The following CNST variants were observed in gnomAD, a reference collection of about 807,000 sequenced individuals.
CNST encodes consortin, connexin sorting protein.
A neutral mutation model predicts 72.4 loss-of-function variants in CNST; 39 were observed. The ratio of observed to expected loss-of-function variants is 0.54; its 90% CI spans 0.42 to 0.70. The LOEUF (loss-of-function observed/expected upper bound fraction) is 0.70, where lower values mean the gene tolerates loss of function less well. CNST is among the 30% of genes least tolerant of loss of function. The pLI, the probability that CNST is intolerant of heterozygous loss-of-function variation, is 0.00. For missense variants in CNST, 871 were observed against 868.5 expected (o/e 1.00, Z -0.04); for synonymous variants, 332 against 320.1 (o/e 1.04, Z -0.40).
At chr1:246,632,309 G>A (rs1313277458) in intron 4 of CNST, 7 of 296,284 alleles carry the variant, frequency 2.4e-5, no homozygotes, top group Admixed American at 1.8e-4. Context: ...GGCAACGTGC[G>A]CCACAGACTT....
Position 246,647,279 on chromosome 1 carries a change from A to G in CNST, c.1078A>G (p.Met360Val), listed in dbSNP as rs563130874. The G allele has an allele frequency of 8.7e-6, 14 of 1,614,146 alleles. No individual in the cohort carries two copies. Among genetic ancestry groups the G allele is most frequent in the South Asian group, 3.3e-5 (3 of 91,074 alleles). ...TTCGGTAACTGCAGGAAAGGACCAC[A>G]TGGAGGAGCTGCTCTGCAGCGCTGA... ...SLSVTAGKDH[M>V]EELLCSAEAT... is the part of the protein sequence containing the mutation. The change falls in exon 9 of 11, where the codon ATG becomes GTG. Residue 360 changes from methionine (M) to valine (V), a missense_variant. By Grantham distance (21) the Met-to-Val change is conservative. Transcript: ENST00000366513.
chr1:246,623,529 A>G (rs1664221916), intron 3 of CNST, among the ~76,000 whole-genome samples: 1 of 152,094 alleles, frequency 6.6e-6, no homozygotes. Flanking sequence ...AGGTGGGTGG[A>G]TCATGTGAGG....
At chr1:246,592,664 G>C (rs770520930) in intron 2 of CNST, among the ~76,000 whole-genome samples, 2 of 152,162 alleles carry the variant, frequency 1.3e-5, no homozygotes, top group Admixed American at 1.3e-4. Context: ...TAACCTGTGA[G>C]TTTAGATGCT....
intron 6 of CNST, among the ~76,000 whole-genome samples, chr1:246,641,432 A>T (rs1436377946): frequency 6.6e-6 from 1 of 152,360 alleles, no homozygotes. Flanking sequence ...TGAAATTTTT[A>T]AAATATGTGT....
At chr1:246,630,217 A>G (rs547710647) in intron 3 of CNST, among the ~76,000 whole-genome samples, 1 of 152,332 alleles carries the variant, frequency 6.6e-6, no homozygotes, top group South Asian at 2.1e-4. Flanking sequence ...GCTCTCCCCA[A>G]CACTCTGGAG....
chr1:246,605,486 T>G (rs868502098), intron 2 of CNST, among the ~76,000 whole-genome samples: 2 of 152,276 alleles, frequency 1.3e-5, no homozygotes, highest in Middle Eastern at 6.8e-3. Flanking sequence ...ATCACGCTGT[T>G]TTAATGCGCG....
intron 6 of CNST, among the ~76,000 whole-genome samples, chr1:246,634,911 GGCTAC>G (rs1360449206): frequency 6.6e-6 from 1 of 151,922 alleles, no homozygotes; most frequent in African/African-American, 2.4e-5. Context: ...CTGATGTAAC[GGCTAC>G]GTGGTACCTG....
intron 7 of CNST, 85 bp downstream of exon 7, chr1:246,641,855 G>A (rs1247537389): frequency 9.1e-6 from 12 of 1,311,874 alleles, no homozygotes; most frequent in South Asian, 1.2e-5. Context: ...GGAAAATGAG[G>A]AAACCTTTCC....
At chr1:246,582,134 A>G (rs531466000) in intron 1 of CNST, among the ~76,000 whole-genome samples, 1 of 152,322 alleles carries the variant, frequency 6.6e-6, no homozygotes, top group East Asian at 1.9e-4. Flanking sequence ...GCTAAGAGTT[A>G]TCAGATTTAC....
At chr1:246,594,074 G>A (rs754690899) in intron 2 of CNST, among the ~76,000 whole-genome samples, 67 of 152,182 alleles carry the variant, frequency 4.4e-4, no homozygotes, top group Non-Finnish European at 3.7e-4. Flanking sequence ...TTTAAGAACT[G>A]ATACTTAGTT....
intron 9 of CNST, chr1:246,648,375 G>A: frequency 3.5e-6 from 1 of 284,888 alleles, no homozygotes. Context: ...TAATAAGGAA[G>A]TCTCATTTTT....
intron 3 of CNST, among the ~76,000 whole-genome samples, chr1:246,631,645 G>A (rs6701256): frequency 0.48 from 72,233 of 152,008 alleles, 18,897 homozygotes; most frequent in African/African-American, 0.68. Context: ...TTTGACTTGA[G>A]GTAGAGTAGG....
At position 246,643,497 on chromosome 1, in the gene CNST, C is replaced by T. The variant is rs190578451; in HGVS notation, c.937+1460C>T. ...TGAGACTTACTTAGCATGGTTGCTG[C>T]GCAGCACCTCCTCCTGCTTGGCCTC... On this transcript the variant is annotated intron_variant, in intron 8 of 10. Coordinates refer to ENST00000366513, the MANE Select transcript of CNST (RefSeq NM_152609.3). Among the ~76,000 whole-genome samples, 423 of 152,290 alleles carry T rather than the reference C, an allele frequency of 2.8e-3. 2 individuals are homozygous for T. Among genetic ancestry groups the T allele is most frequent in the African/African-American group, 8.5e-3 (352 of 41,544 alleles).
chr1:246,649,346 A>T (rs1232434158), intron 9 of CNST, among the ~76,000 whole-genome samples: 1 of 152,142 alleles, frequency 6.6e-6, no homozygotes. Flanking sequence ...GTTTCATGTG[A>T]TATATATTTT....
Position 246,642,132 on chromosome 1 carries a change from G to GTTTTTTTTTTTTTTT in CNST, c.937+95_937+96insTTTTTTTTTTTTTTT, listed in dbSNP as rs1491252940. 1.8e-3 allele frequency: 348 copies of GTTTTTTTTTTTTTTT among 198,328 alleles called. 77 individuals are homozygous for GTTTTTTTTTTTTTTT. The highest frequency in any genetic ancestry group is 0.017 in the African/African-American group (320 of 18,804). The allele number at this position is 198,328 out of a possible 1,614,324, so 12.3% of individuals were successfully genotyped here. ...ACATCTGAATTGCTGCAAAGGATCT[G>GTTTTTTTTTTTTTTT]GTTTTTTTTTTTTTTTTTTTTTGCA... On this transcript the variant is annotated intron_variant, in intron 8 of 10. Transcript: ENST00000366513.
At position 246,584,386 on chromosome 1, in the gene CNST, A is replaced by C. The variant is rs1424733262; in HGVS notation, c.-51-7126A>C. Among the ~76,000 whole-genome samples the C allele has an allele frequency of 3.3e-5, 5 of 152,342 alleles. No individual in the cohort carries two copies. In the South Asian group the frequency reaches 8.3e-4, roughly 25 times the overall value. On this transcript the variant is annotated intron_variant, in intron 1 of 10. Coordinates refer to ENST00000366513, the MANE Select transcript of CNST (RefSeq NM_152609.3). The stretch of plus-strand genomic sequence containing the variant: ...CAGGGGCAAGAGTTTCAAAAAATGC[A>C]TTCAGATGTCCACATAAAGTGGGAA...
At chr1:246,626,863 G>A (rs147229160) in intron 3 of CNST, among the ~76,000 whole-genome samples, 277 of 152,188 alleles carry the variant, frequency 1.8e-3, no homozygotes, top group East Asian at 7.7e-4. Context: ...ATTTTCTCCC[G>A]TATCTGCTGC....
At chr1:246,642,610 GCTTT>G (rs962172479) in intron 8 of CNST, among the ~76,000 whole-genome samples, 36 of 151,322 alleles carry the variant, frequency 2.4e-4, no homozygotes, top group Non-Finnish European at 2.9e-5. Context: ...ATTTTAAGAG[GCTTT>G]CTTCTAAATG....
rs571905145 is a variant in CNST, at chr1:246,644,705, G to A, written c.938-2434G>A. On this transcript the variant is annotated intron_variant, in intron 8 of 10. Coordinates refer to ENST00000366513, the MANE Select transcript of CNST (RefSeq NM_152609.3). The stretch of plus-strand genomic sequence containing the variant: ...AAGCAACACACCCCAGTCCTCTGAT[G>A]TGGGGGTTCTCTCTGCCCTGTGCTT... 5.3e-5 allele frequency among the ~76,000 whole-genome samples: 8 copies of A among 152,366 alleles called. No homozygotes were observed. In the East Asian group the frequency reaches 1.2e-3, roughly 22 times the overall value.
Sources: gnomAD v4.1 joint callset for allele counts (sites outside exome capture counted in the v4.1 genomes callset) on GRCh38, gnomAD v4.1.1 for gene constraint, MANE v1.5 for transcripts, NCBI Gene and HGNC (gene_info 2026-07-23, HGNC 2026-07-21) for gene names.